The following LARP4 variants were observed in gnomAD, a reference collection of about 807,000 sequenced individuals.
LARP4 encodes the protein La ribonucleoprotein 4, also known as la-related protein 4.
A neutral mutation model predicts 92.9 loss-of-function variants in LARP4; 29 were observed. The ratio of observed to expected loss-of-function variants is 0.31; its 90% confidence interval spans 0.23 to 0.43. The LOEUF (loss-of-function observed/expected upper bound fraction) is 0.43, where lower values mean the gene tolerates loss of function less well. LARP4 is among the 20% of genes least tolerant of loss of function. The pLI, the probability that LARP4 is intolerant of heterozygous loss-of-function variation, is 1.00. For missense variants in LARP4, 732 were observed against 860.0 expected, an observed-to-expected ratio of 0.85 and a Z score of 1.86; for synonymous variants, 279 against 284.1, an observed-to-expected ratio of 0.98 and a Z score of 0.18.
At chr12:50,401,097 A>T in intron 1 of LARP4, 69 bp downstream of exon 1, 1 of 1,579,506 alleles carries the variant, frequency 6.3e-7, no homozygotes, top group Non-Finnish European at 8.7e-7. Flanking sequence ...GGCCGGTCCC[A>T]CCGCCATGTG....
At chr12:50,459,605 C>T (rs1169903080) in intron 10 of LARP4, among the ~76,000 whole-genome samples, 1 of 152,076 alleles carries the variant, frequency 6.6e-6, no homozygotes, top group Admixed American at 6.6e-5. Flanking sequence ...GTGAGCAGAT[C>T]ACCAGGTCAG....
chr12:50,449,588 T>C (rs983318291), intron 8 of LARP4, among the ~76,000 whole-genome samples: 1 of 152,186 alleles, frequency 6.6e-6, no homozygotes, highest in Non-Finnish European at 1.5e-5. Context: ...GTTTGATTTT[T>C]GGGGCAATAG....
chr12:50,460,716 A>G (rs1955220425), intron 10 of LARP4, among the ~76,000 whole-genome samples: 1 of 152,092 alleles, frequency 6.6e-6, no homozygotes, highest in African/African-American at 2.4e-5. Context: ...CAAGGCAGGC[A>G]TATCACAAGG....
chr12:50,428,966 A>G lies in LARP4; in HGVS notation c.198A>G (p.Lys66=), dbSNP rs1012523387. The G allele has an allele frequency of 6.2e-7, 1 of 1,601,866 alleles. No individual in the cohort carries two copies. Among genetic ancestry groups the G allele is most frequent in the African/African-American group, 1.3e-5 (1 of 74,606 alleles). ...GNAELSEDIC[K]EYEVMYSSSC... ...CAGAGCTCTCAGAAGATATATGTAA[A>G]GAATATGAAGTAATGTATTCTTCAT... is the stretch of plus-strand genomic sequence containing the variant. The change falls in exon 3 of 16, where the codon AAA becomes AAG. Residue 66 remains lysine, a synonymous_variant. Transcript: ENST00000398473.
chr12:50,461,335 A>T lies in LARP4; in HGVS notation c.1322A>T (p.Tyr441Phe). The T allele has an allele frequency of 6.2e-7, 1 of 1,613,898 alleles. No homozygotes were observed. Reference protein sequence around the residue: ...STLQVEQNGDYGRGRRTLFRG... With the variant: ...STLQVEQNGDFGRGRRTLFRG... The stretch of plus-strand genomic sequence containing the variant: ...TTGCAGGTGGAACAGAATGGGGACT[A>T]TGGTAGGGGCAGGTAAGAAAATAAA... The change falls in exon 11 of 16, where the codon TAT becomes TTT. Residue 441 changes from tyrosine (Y) to phenylalanine (F), a missense_variant. Around this residue, in one of 7 missense-constraint regions of LARP4, gnomAD observed 264 missense variants for 269.5 expected, o/e 0.98. Coordinates refer to ENST00000398473, the MANE Select transcript of LARP4 (RefSeq NM_052879.5).
intron 1 of LARP4, among the ~76,000 whole-genome samples, chr12:50,408,767 G>A (rs1760786481): frequency 6.6e-6 from 1 of 152,134 alleles, no homozygotes; most frequent in Non-Finnish European, 1.5e-5. Flanking sequence ...TTTACTGTGT[G>A]CTTATTGGCA....
intron 10 of LARP4, among the ~76,000 whole-genome samples, chr12:50,458,542 G>T (rs997774252): frequency 6.6e-6 from 1 of 152,130 alleles, no homozygotes. Flanking sequence ...TATTCAAGAG[G>T]TTTTAAATCC....
chr12:50,404,681 GTTTTTTTT>G (rs1162590362), intron 1 of LARP4, among the ~76,000 whole-genome samples: 2 of 67,380 alleles, frequency 3.0e-5, no homozygotes, highest in Non-Finnish European at 6.3e-5. Flanking sequence ...GGTTCAAGCA[GTTTTTTTT>G]TTTTTTTTTT....
intron 13 of LARP4, among the ~76,000 whole-genome samples, chr12:50,469,784 C>T (rs2139034278): frequency 6.6e-6 from 1 of 151,760 alleles, no homozygotes; most frequent in South Asian, 2.1e-4. Context: ...TGGCACGCAC[C>T]TGTAGTCCCA....
chr12:50,402,764 G>T (rs1356280023), intron 1 of LARP4: 1 of 455,666 alleles, frequency 2.2e-6, no homozygotes, highest in South Asian at 1.6e-5. Context: ...TCATGCTGAT[G>T]TCAAATCATG....
intron 4 of LARP4, among the ~76,000 whole-genome samples, chr12:50,431,534 G>A (rs1949657948): frequency 6.6e-6 from 1 of 151,996 alleles, no homozygotes; most frequent in Admixed American, 6.5e-5. Context: ...GCAAACATTT[G>A]GAGAAGTCTT....
intron 4 of LARP4, among the ~76,000 whole-genome samples, chr12:50,433,717 G>A (rs1005525706): frequency 2.7e-5 from 4 of 149,772 alleles, no homozygotes; most frequent in Non-Finnish European, 5.9e-5. Context: ...TCGGCTCACT[G>A]CAACCTCTAC....
chr12:50,417,695 A>G (rs1203047208), intron 1 of LARP4, among the ~76,000 whole-genome samples: 1 of 152,182 alleles, frequency 6.6e-6, no homozygotes, highest in African/African-American at 2.4e-5. Flanking sequence ...TTACTTATTA[A>G]TTAATAATTT....
intron 9 of LARP4, among the ~76,000 whole-genome samples, chr12:50,453,876 A>G (rs886711857): frequency 6.6e-6 from 1 of 151,734 alleles, no homozygotes; most frequent in Admixed American, 6.6e-5. Flanking sequence ...CAGGCAGTCC[A>G]CCCGCCTCAG....
intron 10 of LARP4, 105 bp from the exon 11 acceptor site, chr12:50,461,030 T>C (rs1478974852): frequency 1.2e-6 from 1 of 804,320 alleles, no homozygotes; most frequent in Non-Finnish European, 2.1e-6. Context: ...TTTAACTTAA[T>C]TTTTTGAAAA....
At position 50,446,429 on chromosome 12, in the gene LARP4, A is replaced by ATT. The variant is rs71083573; in HGVS notation, c.804+4800_804+4801dup. Among the ~76,000 whole-genome samples, 3 of 3,918 alleles carry ATT rather than the reference A, an allele frequency of 7.7e-4. 1 individual carries two copies. The highest frequency in any genetic ancestry group is 2.5e-3 in the African/African-American group (3 of 1,208). The allele number at this position is 3,918 out of a possible 152,430, so 2.6% of individuals were successfully genotyped here. A position where few individuals can be genotyped will look rare whatever the true frequency, so the allele number is the denominator to read the frequency against. On this transcript the variant is annotated intron_variant, in intron 8 of 15. Coordinates refer to ENST00000398473, the MANE Select transcript of LARP4 (RefSeq NM_052879.5). ...TCTCTCTATATATATATATATATAT[A>ATT]TTTTTTTTTTTTTTTATAGACGGAG...
At position 50,454,416 on chromosome 12, in the gene LARP4, C is replaced by T. The variant is rs1406435935; in HGVS notation, c.1120C>T (p.Arg374Cys). The T allele has an allele frequency of 8.7e-6, 14 of 1,605,486 alleles. No homozygotes were observed. Among genetic ancestry groups the T allele is most frequent in the South Asian group, 1.1e-5 (1 of 90,296 alleles). Residue 374 changes from arginine to cysteine, a missense_variant and splice_region_variant, in exon 10 of 16, where the codon CGT becomes TGT. Physicochemically the swap from Arg to Cys is radical, Grantham distance 180. This residue lies in a region of LARP4 where 264 missense variants were observed against 269.5 expected (regional missense o/e 0.98). Transcript: ENST00000398473. ...MNMGRPFQKN[R>C]VKPQFRSSGG... is the part of the protein sequence containing the mutation. ...TATGGGTCGACCATTCCAAAAAAAT[C>T]GGTAAGATAAAAACCATAGCTGTAA...
At chr12:50,461,000 T>C (rs1418481162) in intron 10 of LARP4, 135 bp from the exon 11 acceptor site, 3 of 702,246 alleles carry the variant, frequency 4.3e-6, no homozygotes, top group Non-Finnish European at 7.4e-6. Context: ...GCAACACTTT[T>C]ACAACATTAT....
At chr12:50,427,198 G>A (rs1439838679) in intron 1 of LARP4, among the ~76,000 whole-genome samples, 3 of 152,044 alleles carry the variant, frequency 2.0e-5, no homozygotes, top group African/African-American at 4.8e-5. Flanking sequence ...AGACTCTAAA[G>A]TATCACAGCT....
Sources: allele counts gnomAD v4.1 joint callset (sites outside exome capture counted in the v4.1 genomes callset), GRCh38; gene constraint gnomAD v4.1.1; regional missense constraint gnomAD v4.1.1; transcripts MANE v1.5; gene names NCBI Gene and HGNC (gene_info 2026-07-23, HGNC 2026-07-21).